Variants in WNK1 observed in about 807,000 individuals in gnomAD.
The protein encoded by WNK1 is serine/threonine-protein kinase WNK1.
In WNK1, 38 loss-of-function variants were observed where a neutral mutation model predicts 222.8. That is an observed-to-expected ratio of 0.17 (90% CI 0.13 to 0.22). The LOEUF is 0.22. Among genes scored for constraint, WNK1 ranks in the 10% least tolerant of loss-of-function variants. The pLI, the probability that WNK1 is intolerant of heterozygous loss-of-function variation, is 1.00. For synonymous variants in WNK1, 1,090 were observed against 1,092.9 expected (o/e 1.00, Z 0.05); for missense variants, 2,348 against 2,918.4 (o/e 0.80, Z 4.50).
At chr12:786,404 AAC>A (rs759389144) in intron 1 of WNK1, among the ~76,000 whole-genome samples, 129 of 152,138 alleles carry the variant, frequency 8.5e-4, no homozygotes, top group Non-Finnish European at 1.4e-3. Context: ...CTCTTTGCTT[AAC>A]ACATTCCCTT....
At position 827,005 on chromosome 12, in the gene WNK1, C is replaced by G. The variant is rs1226191654; in HGVS notation, c.933-37C>G. ...ATTCTTCAAAGCAACAAACTCCTAT[C>G]ATTGATAACTTGTTTGGTATACTTT... On this transcript the variant is annotated intron_variant, in intron 2 of 27. Transcript: ENST00000315939. This position sits in a 1 kb window ranked among gnomAD's most constrained non-coding sequence, Gnocchi z 4.6. 8 of 1,541,734 alleles carry G rather than the reference C, an allele frequency of 5.2e-6. No homozygotes were observed. In the Admixed American group the frequency reaches 1.0e-4, roughly 19 times the overall value.
chr12:871,215 CACTT>C (rs1952116675), intron 8 of WNK1, 46 bp from the exon 9 acceptor site: 3 of 1,545,872 alleles, frequency 1.9e-6, no homozygotes, highest in Non-Finnish European at 2.7e-6. Flanking sequence ...GACCTCTATA[CACTT>C]ACTTTAGGCC....
intron 1 of WNK1, among the ~76,000 whole-genome samples, chr12:786,468 C>CT (rs1388356053): frequency 1.5e-4 from 19 of 126,032 alleles, no homozygotes; most frequent in Admixed American, 2.5e-4. Context: ...CTCTATCTTC[C>CT]CTTTTTTTTT....
At chr12:775,324 T>A (rs1942969585) in intron 1 of WNK1, among the ~76,000 whole-genome samples, 1 of 152,206 alleles carries the variant, frequency 6.6e-6, no homozygotes, top group Admixed American at 6.5e-5. Flanking sequence ...CAAGTAATAG[T>A]CTTTCTTGTA....
chr12:857,390 G>A (rs927760210), intron 5 of WNK1, 141 bp downstream of exon 5: 34 of 835,666 alleles, frequency 4.1e-5, no homozygotes, highest in Admixed American at 1.1e-4. Flanking sequence ...TTAAAGGTAG[G>A]GTTTTGTTCA....
intron 1 of WNK1, among the ~76,000 whole-genome samples, chr12:802,533 G>A (rs1333846865): frequency 6.6e-6 from 1 of 152,072 alleles, no homozygotes; most frequent in Non-Finnish European, 1.5e-5. Context: ...ATATGGAAAT[G>A]ACTTTGACTT....
rs925631988 is a variant in WNK1 at position 891,581 on chromosome 12, A to C, written c.5509+1068A>C. Among the ~76,000 whole-genome samples, 9 of 151,694 alleles carry C rather than the reference A, an allele frequency of 5.9e-5. No individual in the cohort carries two copies. In the East Asian group the frequency reaches 1.7e-3, roughly 29 times the overall value. On this transcript the variant is annotated intron_variant, in intron 22 of 27. Coordinates refer to ENST00000315939, the MANE Select transcript of WNK1 (RefSeq NM_018979.4). ...TATATCATAAAATAGTACTATATGA[A>C]ATCATAAGGGGATTTTTTTTCTTTT...
chr12:830,709 T>C (rs564885758), intron 4 of WNK1, among the ~76,000 whole-genome samples: 3 of 152,336 alleles, frequency 2.0e-5, no homozygotes, highest in African/African-American at 7.2e-5. Flanking sequence ...GAAAGGTAGT[T>C]GTTATGATTC....
rs1164650677 is a variant in WNK1 at position 813,826 on chromosome 12, A to C, written c.932+12A>C. On this transcript the variant is annotated intron_variant, in intron 2 of 27. Transcript: ENST00000315939. ...GGAACACTTAAAACGTAAGTTCATC[A>C]GTATTACAAAAGCTGACCAAGAAGT... 1.9e-6 allele frequency: 3 copies of C among 1,613,046 alleles called. No individual in the cohort carries two copies. Among genetic ancestry groups the C allele is most frequent in the Non-Finnish European group, 2.5e-6 (3 of 1,179,514 alleles).
intron 4 of WNK1, among the ~76,000 whole-genome samples, chr12:856,125 C>T (rs373316590): frequency 7.9e-5 from 12 of 151,898 alleles, no homozygotes; most frequent in African/African-American, 2.9e-4. Flanking sequence ...AGGTGTGAGC[C>T]ACGGCGCCCA....
chr12:850,081 C>A (rs1950306685), intron 4 of WNK1, among the ~76,000 whole-genome samples: 1 of 151,980 alleles, frequency 6.6e-6, no homozygotes, highest in Non-Finnish European at 1.5e-5. Context: ...GGGTATATAC[C>A]CAGTAATGGG....
In WNK1 at chr12:753,861, C is replaced by G; in HGVS notation, c.296C>G (p.Pro99Arg). ...ACTGCACTGGAGCTTCCCGGCCTTC[C>G]TCTTTCCCTGCCCCAGCCCAGCATC... ...NATALELPGL[P>R]LSLPQPSIPA... The change falls in exon 1 of 28, where the codon CCT (proline) becomes CGT (arginine). Residue 99 changes from proline (P) to arginine (R), a missense_variant. This residue lies in a region of WNK1 where 185 missense variants were observed against 159.2 expected (regional missense o/e 1.16). Transcript: ENST00000315939. The surrounding 1 kb of genome is among the most constrained non-coding windows in gnomAD (Gnocchi z 5.2). 1.2e-6 allele frequency: 2 copies of G among 1,612,638 alleles called. No homozygotes were observed. Among genetic ancestry groups the G allele is most frequent in the Non-Finnish European group, 1.7e-6 (2 of 1,179,920 alleles).
chr12:861,122 A>G lies in WNK1; in HGVS notation c.1730A>G (p.Glu577Gly), dbSNP rs78462636. Residue 577 changes from glutamate (E) to glycine (G), a missense_variant, in exon 7 of 28, where the codon GAG becomes GGG. Transcript: ENST00000315939. The part of the protein sequence containing the change: ...RKREQRQLVR[E>G]EQEKKKQEES... ...CGAGAGCAGCGGCAGTTGGTACGGG[A>G]GGAGCAAGAAAAAAAAAAGCAGGAA... 1 of 1,613,956 alleles carries G rather than the reference A, an allele frequency of 6.2e-7. No individual in the cohort carries two copies. Among genetic ancestry groups the G allele is most frequent in the Non-Finnish European group, 8.5e-7 (1 of 1,179,962 alleles).
At chr12:880,117 C>T in intron 11 of WNK1, 86 bp downstream of exon 11, 1 of 1,295,772 alleles carries the variant, frequency 7.7e-7, no homozygotes, top group East Asian at 2.4e-5. Flanking sequence ...AGTTGAGTGT[C>T]AGAATAACTA....
At chr12:852,731 A>G (rs1198513020) in intron 4 of WNK1, among the ~76,000 whole-genome samples, 1 of 152,200 alleles carries the variant, frequency 6.6e-6, no homozygotes, top group Non-Finnish European at 1.5e-5. Context: ...ATTATCAGTT[A>G]TAAAAATTAC....
intron 26 of WNK1, among the ~76,000 whole-genome samples, chr12:907,091 G>A (rs932187281): frequency 6.7e-5 from 10 of 148,402 alleles, no homozygotes; most frequent in African/African-American, 1.5e-4. Context: ...AGGCCAAGGC[G>A]GGCGGATCAC....
At chr12:819,151 G>T (rs1193386125) in intron 2 of WNK1, among the ~76,000 whole-genome samples, 2 of 152,134 alleles carry the variant, frequency 1.3e-5, no homozygotes, top group East Asian at 3.8e-4. Context: ...TATCTTTGGA[G>T]AAATGTTTAT....
chr12:773,947 A>G (rs1365612015), intron 1 of WNK1, among the ~76,000 whole-genome samples: 1 of 152,214 alleles, frequency 6.6e-6, no homozygotes, highest in Non-Finnish European at 1.5e-5. Flanking sequence ...GGTTGTAACC[A>G]TGAAATAATA....
Position 880,780 on chromosome 12 carries a change from C to G in WNK1, c.2892C>G (p.Ser964=), listed in dbSNP as rs200215767. ...GAGATTCAAATATTGCTCCCTCTTCCAACGTGGCTTCTGTTTGCATCCATT... is the reference window on the plus strand; with the variant it reads ...GAGATTCAAATATTGCTCCCTCTTCGAACGTGGCTTCTGTTTGCATCCATT... ...YPGDSNIAPS[S]NVASVCIHST... The change falls in exon 12 of 28, where the codon TCC becomes TCG. Residue 964 remains serine (S), a synonymous_variant. Transcript: ENST00000315939. 14 of 1,614,098 alleles carry G rather than the reference C, an allele frequency of 8.7e-6. No homozygotes were observed. The highest frequency in any genetic ancestry group is 1.1e-5 in the Non-Finnish European group (13 of 1,180,004).
Sources: allele counts gnomAD v4.1 joint callset (sites outside exome capture counted in the v4.1 genomes callset), GRCh38; gene constraint gnomAD v4.1.1; regional missense constraint gnomAD v4.1.1; non-coding constraint Gnocchi (gnomAD v3.1); transcripts MANE v1.5; gene names NCBI Gene and HGNC (gene_info 2026-07-23, HGNC 2026-07-21).